PPM1L: variants seen among roughly 807,000 people sequenced by gnomAD.
PPM1L encodes the protein protein phosphatase 1L.
PPM1L carries 13 observed loss-of-function variants against 31.4 expected under a neutral mutation model. The observed-to-expected ratio is 0.41, with a 90% CI of 0.27 to 0.66. The LOEUF (loss-of-function observed/expected upper bound fraction) is 0.66. PPM1L is among the 30% of genes least tolerant of loss of function. The probability of loss-of-function intolerance (pLI) is 0.29; values close to 1 mark genes in which losing one functional copy is unlikely to be tolerated. For missense variants in PPM1L, 326 were observed against 453.7 expected (o/e 0.72, Z 2.56); for synonymous variants, 184 against 175.4 (o/e 1.05, Z -0.39).
chr3:160,879,447 C>T (rs1321680148), intron 1 of PPM1L, among the ~76,000 whole-genome samples: 6 of 151,990 alleles, frequency 3.9e-5, no homozygotes, highest in Non-Finnish European at 7.4e-5. Context: ...TCCAAGGTCC[C>T]CCTCCCCAGT....
chr3:161,037,581 ATTTTTTT>A (rs58432151), intron 2 of PPM1L, among the ~76,000 whole-genome samples: 2 of 119,720 alleles, frequency 1.7e-5, no homozygotes, highest in African/African-American at 3.3e-5. Context: ...TGCCCGGCTA[ATTTTTTT>A]TTTTTTTTTT....
intron 1 of PPM1L, among the ~76,000 whole-genome samples, chr3:160,947,405 G>A (rs377277004): frequency 6.6e-6 from 1 of 151,992 alleles, no homozygotes; most frequent in Non-Finnish European, 1.5e-5. Context: ...AAAATATACT[G>A]TTTTTCCTGT....
chr3:161,052,826 CTCTTT>C (rs764972718), intron 2 of PPM1L, among the ~76,000 whole-genome samples: 9 of 152,160 alleles, frequency 5.9e-5, no homozygotes, highest in Non-Finnish European at 1.2e-4. Context: ...AAGTGTAATT[CTCTTT>C]TAAGTACCAG....
chr3:160,899,392 G>T (rs185979732), intron 1 of PPM1L, among the ~76,000 whole-genome samples: 9 of 152,206 alleles, frequency 5.9e-5, no homozygotes, highest in Admixed American at 5.2e-4. Context: ...GAAATGAAGT[G>T]ATTTTGAAAA....
chr3:160,958,251 G>T (rs747018358), intron 1 of PPM1L, among the ~76,000 whole-genome samples: 2 of 152,092 alleles, frequency 1.3e-5, no homozygotes, highest in African/African-American at 4.8e-5. Context: ...GTCCTGAATG[G>T]TGTTGCCTAG....
rs775373896 is a variant in PPM1L at position 161,075,419 on chromosome 3, TACC to T, written c.*6265_*6267del. On this transcript the variant is annotated 3_prime_UTR_variant, in exon 4 of 4. Transcript: ENST00000498165. ...ACATAGATGAAGAAAAGGCAGTTGT[TACC>T]ACTTTTCACCATTCAAAAAATGGGC... is the stretch of plus-strand genomic sequence containing the variant. 6.6e-6 allele frequency: 1 copy of T among 152,198 alleles called. No individual in the cohort carries two copies. Among genetic ancestry groups the T allele is most frequent in the African/African-American group, 2.4e-5 (1 of 41,456 alleles). 9.4% of individuals were successfully genotyped at this position (152,198 alleles called of 1,614,324 possible).
chr3:160,903,164 A>AGTGTGTGTGTGTGT lies in PPM1L; in HGVS notation c.400-58556_400-58543dup, dbSNP rs60731351. On this transcript the variant is annotated intron_variant, in intron 1 of 3. Coordinates refer to ENST00000498165, the MANE Select transcript of PPM1L (RefSeq NM_139245.4). Reference sequence around the variant, plus strand: ...GGTTGTCCAAAGAAATAGAAGCAATAGTGTGTGTGTGTGTGTGTGTGTGTG... The same window carrying AGTGTGTGTGTGTGT: ...GGTTGTCCAAAGAAATAGAAGCAATAGTGTGTGTGTGTGTGTGTGTGTGTGTGTGTGTGTGTGTG... Among the ~76,000 whole-genome samples, 739 of 106,560 alleles carry AGTGTGTGTGTGTGT rather than the reference A, an allele frequency of 6.9e-3. 8 individuals carry two copies. Among genetic ancestry groups the AGTGTGTGTGTGTGT allele is most frequent in the African/African-American group, 0.021 (480 of 23,378 alleles). The allele number at this position is 106,560 out of a possible 152,430, so 69.9% of individuals were successfully genotyped here. A position where few individuals can be genotyped will look rare whatever the true frequency, so the allele number is the denominator to read the frequency against.
At chr3:160,850,971 C>T (rs1345489504) in intron 1 of PPM1L, among the ~76,000 whole-genome samples, 1 of 151,946 alleles carries the variant, frequency 6.6e-6, no homozygotes, top group South Asian at 2.1e-4. Flanking sequence ...ATCCCCCCAC[C>T]CCACCTCCCT....
intron 1 of PPM1L, among the ~76,000 whole-genome samples, chr3:160,881,290 G>A (rs1473472709): frequency 6.6e-6 from 1 of 152,130 alleles, no homozygotes; most frequent in African/African-American, 2.4e-5. Context: ...TCAGGACTTG[G>A]TTCTAAGGGA....
In PPM1L at chr3:160,854,951, T is replaced by C. The variant is rs1576672251; in HGVS notation, c.399+98244T>C. Among the ~76,000 whole-genome samples the C allele has an allele frequency of 2.2e-5, 3 of 139,328 alleles. No individual in the cohort carries two copies. In the South Asian group the frequency reaches 7.0e-4, roughly 32 times the overall value. 91.4% of individuals were successfully genotyped at this position (139,328 alleles called of 152,430 possible). ...CAAAAAAAAAACAAAGTCACAGGCATCACATTACTCAATTTCAAACTATAC... is the reference window on the plus strand; with the variant it reads ...CAAAAAAAAAACAAAGTCACAGGCACCACATTACTCAATTTCAAACTATAC... On this transcript the variant is annotated intron_variant, in intron 1 of 3. Coordinates refer to ENST00000498165, the MANE Select transcript of PPM1L (RefSeq NM_139245.4).
chr3:160,797,049 G>C (rs1236300667), intron 1 of PPM1L, among the ~76,000 whole-genome samples: 1 of 152,106 alleles, frequency 6.6e-6, no homozygotes, highest in Non-Finnish European at 1.5e-5. Flanking sequence ...TTTCACAGAT[G>C]CTGCAGGGTT....
At chr3:160,909,000 T>C (rs1423868638) in intron 1 of PPM1L, among the ~76,000 whole-genome samples, 1 of 152,142 alleles carries the variant, frequency 6.6e-6, no homozygotes, top group Non-Finnish European at 1.5e-5. Context: ...ATACAAGCAA[T>C]GGCAAGAGTG....
rs1377855625 is a variant in PPM1L at position 160,961,888 on chromosome 3, G to C, written c.552G>C (p.Leu184Phe). ...LSIDREMLEK[L>F]TVSYDEAGTT... ...TTGACCGAGAAATGCTAGAAAAATT[G>C]ACTGTATCCTATGATGAAGCAGGTA... The change falls in exon 2 of 4, where the codon TTG (leucine) becomes TTC (phenylalanine). Residue 184 changes from leucine to phenylalanine, a missense_variant. Leu to Phe is a conservative substitution (Grantham distance 22). This residue lies in a region of PPM1L where 201 missense variants were observed against 298.2 expected (regional missense o/e 0.67). Coordinates refer to ENST00000498165, the MANE Select transcript of PPM1L (RefSeq NM_139245.4). 4.4e-6 allele frequency: 7 copies of C among 1,589,920 alleles called. No individual in the cohort carries two copies. The South Asian group carries it at 8.2e-5, about 19-fold the overall frequency.
intron 1 of PPM1L, among the ~76,000 whole-genome samples, chr3:160,832,675 A>G (rs1713558994): frequency 6.6e-6 from 1 of 152,204 alleles, no homozygotes; most frequent in South Asian, 2.1e-4. Flanking sequence ...TCAATAAAAG[A>G]TTAAAACTAG....
At chr3:160,983,085 T>G (rs749662151) in intron 2 of PPM1L, among the ~76,000 whole-genome samples, 6 of 152,224 alleles carry the variant, frequency 3.9e-5, no homozygotes, top group Non-Finnish European at 7.3e-5. Flanking sequence ...ATGCATTTGA[T>G]TTTTGTACTC....
intron 2 of PPM1L, among the ~76,000 whole-genome samples, chr3:161,040,166 G>A (rs1718868048): frequency 6.6e-6 from 1 of 152,150 alleles, no homozygotes; most frequent in South Asian, 2.1e-4. Flanking sequence ...CTGGTGCTTA[G>A]TGAAATACAC....
At chr3:161,063,180 G>A (rs9876142) in intron 2 of PPM1L, among the ~76,000 whole-genome samples, 40,506 of 151,902 alleles carry the variant, frequency 0.27, 5,880 homozygotes, top group East Asian at 0.57. Flanking sequence ...ACAAAGTGAG[G>A]ATATGTTGAA....
intron 1 of PPM1L, among the ~76,000 whole-genome samples, chr3:160,761,816 G>A (rs1171355606): frequency 6.6e-6 from 1 of 151,946 alleles, no homozygotes; most frequent in Non-Finnish European, 1.5e-5. Flanking sequence ...CATCTCACAT[G>A]GTGGCAGACC....
At position 161,051,349 on chromosome 3, in the gene PPM1L, A is replaced by C. The variant is rs1451252252; in HGVS notation, c.575-14054A>C. On this transcript the variant is annotated intron_variant, in intron 2 of 3. Coordinates refer to ENST00000498165, the MANE Select transcript of PPM1L (RefSeq NM_139245.4). ...ATAGTAGGCACTGAATGAGGGAACA[A>C]GGAACACAGAACCATTTAGTCACTA... 4.0e-5 allele frequency among the ~76,000 whole-genome samples: 6 copies of C among 150,512 alleles called. No homozygotes were observed. The East Asian group carries it at 1.2e-3, about 30-fold the overall frequency.
Sources: gnomAD v4.1 joint callset for allele counts (sites outside exome capture counted in the v4.1 genomes callset) on GRCh38, gnomAD v4.1.1 for gene constraint, gnomAD v4.1.1 regional missense constraint, MANE v1.5 for transcripts, NCBI Gene and HGNC (gene_info 2026-07-23, HGNC 2026-07-21) for gene names.